Variants in HOOK3 observed in about 807,000 individuals in gnomAD.
HOOK3 encodes protein Hook homolog 3.
Under a neutral mutation model 116.3 loss-of-function variants are expected in HOOK3, and 24 were observed. The ratio of observed to expected loss-of-function variants is 0.21; its 90% CI spans 0.15 to 0.29. The LOEUF is 0.29. Ranked by LOEUF, HOOK3 falls within the 10% of genes least tolerant of loss-of-function variation. The pLI is 1.00. For missense variants in HOOK3, 632 were observed against 830.2 expected, an observed-to-expected ratio of 0.76 and a Z score of 2.93; for synonymous variants, 275 against 283.0, an observed-to-expected ratio of 0.97 and a Z score of 0.28.
At chr8:43,013,468 T>C (rs1162975014) in intron 21 of HOOK3, 68 bp downstream of exon 21, 12 of 1,278,160 alleles carry the variant, frequency 9.4e-6, no homozygotes, top group Non-Finnish European at 1.1e-5. Context: ...TATATTCCCT[T>C]TACTGTAGAA....
chr8:42,924,312 C>T (rs1312215235), intron 2 of HOOK3, among the ~76,000 whole-genome samples: 6 of 151,138 alleles, frequency 4.0e-5, no homozygotes, highest in Non-Finnish European at 7.4e-5. Context: ...TTTTGTCCTC[C>T]CTCCCTCCCT....
intron 8 of HOOK3, 95 bp downstream of exon 8, chr8:42,959,409 T>A (rs1479422898): frequency 3.7e-6 from 3 of 803,210 alleles, no homozygotes; most frequent in Non-Finnish European, 6.0e-6. Flanking sequence ...ATCTTAACTA[T>A]AACGCAACCC....
intron 16 of HOOK3, among the ~76,000 whole-genome samples, chr8:42,998,847 G>A (rs1430147530): frequency 6.6e-6 from 1 of 152,144 alleles, no homozygotes; most frequent in African/African-American, 2.4e-5. Context: ...TATTCAAAAT[G>A]CGAAATCACA....
intron 5 of HOOK3, among the ~76,000 whole-genome samples, chr8:42,946,935 T>C (rs766876458): frequency 1.3e-5 from 2 of 151,924 alleles, no homozygotes; most frequent in Admixed American, 6.6e-5. Context: ...CACGCCCGGC[T>C]AATTTTTGTA....
chr8:42,967,894 G>T, intron 10 of HOOK3, 119 bp from the exon 11 acceptor site: 1 of 631,440 alleles, frequency 1.6e-6, no homozygotes. Context: ...AAATTAACCT[G>T]GAATCACTTT....
chr8:42,973,478 A>T, intron 12 of HOOK3, 79 bp downstream of exon 12: 1 of 842,784 alleles, frequency 1.2e-6, no homozygotes, highest in South Asian at 2.6e-5. Flanking sequence ...GTTTGGCCAC[A>T]TTCATTTAAG....
Position 43,028,376 on chromosome 8 carries a change from T to C in HOOK3, c.*9878T>C, listed in dbSNP as rs1246983073. Reference sequence around the variant, plus strand: ...TGTCTCTAAAAAAAAATAATATAAATTGATGTTATATAGTTAACATTTATC... The same window carrying C: ...TGTCTCTAAAAAAAAATAATATAAACTGATGTTATATAGTTAACATTTATC... On this transcript the variant is annotated 3_prime_UTR_variant, in exon 22 of 22. Transcript: ENST00000307602. 5.5e-6 allele frequency: 1 copy of C among 182,680 alleles called. No individual in the cohort carries two copies. Among genetic ancestry groups the C allele is most frequent in the African/African-American group, 2.4e-5 (1 of 42,488 alleles). 11.3% of individuals were successfully genotyped at this position (182,680 alleles called of 1,614,324 possible). A position where few individuals can be genotyped will look rare whatever the true frequency, so the allele number is the denominator to read the frequency against.
chr8:42,967,993 A>C lies in HOOK3; in HGVS notation c.921-20A>C. 7.2e-7 allele frequency: 1 copy of C among 1,379,988 alleles called. No individual in the cohort carries two copies. Among genetic ancestry groups the C allele is most frequent in the Non-Finnish European group, 1.0e-6 (1 of 973,394 alleles). 85.5% of individuals were successfully genotyped at this position (1,379,988 alleles called of 1,614,324 possible). On this transcript the variant is annotated intron_variant, in intron 10 of 21. Coordinates refer to ENST00000307602, the MANE Select transcript of HOOK3 (RefSeq NM_032410.4). ...GTGTGGATGTGTTTCTGATTTTTTT[A>C]ATTTCCCATCTAATTCTAGACATTC... is the stretch of plus-strand genomic sequence containing the variant.
chr8:43,010,164 G>T (rs1809577202), intron 18 of HOOK3, 141 bp from the exon 19 acceptor site: 2 of 180,414 alleles, frequency 1.1e-5, no homozygotes, highest in Non-Finnish European at 2.4e-5. Context: ...AAATAGACCA[G>T]TCTCTCAAAG....
intron 18 of HOOK3, 84 bp downstream of exon 18, chr8:43,008,013 ATTTATTTTTTATT>A: frequency 1.7e-6 from 1 of 588,542 alleles, no homozygotes; most frequent in South Asian, 3.7e-5. Flanking sequence ...ATTTTTAATT[ATTTATTTTTTATT>A]TTTATTTTTT....
chr8:42,980,515 C>T (rs958262717), intron 13 of HOOK3, among the ~76,000 whole-genome samples: 1 of 152,010 alleles, frequency 6.6e-6, no homozygotes, highest in Non-Finnish European at 1.5e-5. Context: ...GGACTCTGCC[C>T]TCAGGGATGG....
rs1563308086 is a variant in HOOK3, at chr8:42,986,644, T to C, written c.1392-11T>C. 3 of 1,602,442 alleles carry C rather than the reference T, an allele frequency of 1.9e-6. No homozygotes were observed. The highest frequency in any genetic ancestry group is 1.1e-5 in the South Asian group (1 of 89,466). Reference sequence around the variant, plus strand: ...TGTATATAATATTTAGTTTTTATTTTGTTCATTCAGGGAGAAACTTATTCG... The same window carrying C: ...TGTATATAATATTTAGTTTTTATTTCGTTCATTCAGGGAGAAACTTATTCG... On this transcript the variant is annotated splice_polypyrimidine_tract_variant and intron_variant, in intron 14 of 21. Coordinates refer to ENST00000307602, the MANE Select transcript of HOOK3 (RefSeq NM_032410.4).
rs1586634849 is a variant in HOOK3 at position 43,013,057 on chromosome 8, C to T, written c.1846C>T (p.Arg616Cys). Residue 616 changes from arginine (R) to cysteine (C), a missense_variant, in exon 20 of 22, where the codon CGT becomes TGT. Arg to Cys is a radical substitution (Grantham distance 180). Transcript: ENST00000307602. ...CTTTTATTATTTTTTGCAGGTCATCCGTACTTTAGATCCTAAACAGAATCA... is the reference window on the plus strand; with the variant it reads ...CTTTTATTATTTTTTGCAGGTCATCTGTACTTTAGATCCTAAACAGAATCA... ...KYLEKAKSVI[R>C]TLDPKQNQGA... is the part of the protein sequence containing the mutation. 2.5e-6 allele frequency: 4 copies of T among 1,598,938 alleles called. No homozygotes were observed. Among genetic ancestry groups the T allele is most frequent in the Non-Finnish European group, 3.4e-6 (4 of 1,173,794 alleles).
At chr8:42,912,528 A>G (rs770297544) in intron 2 of HOOK3, among the ~76,000 whole-genome samples, 13 of 152,200 alleles carry the variant, frequency 8.5e-5, no homozygotes, top group South Asian at 2.1e-4. Flanking sequence ...TTGTGCAACA[A>G]TGTGAATGTA....
chr8:42,943,336 C>A lies in HOOK3; in HGVS notation c.291C>A (p.Asp97Glu). ...AGATTTTAGGACAGCAAATTAATGA[C>A]TTTACCCTTCCTGATGTGAACCTTA... The part of the protein sequence containing the change: ...NHEILGQQIN[D>E]FTLPDVNLIG... The change falls in exon 5 of 22, where the codon GAC becomes GAA. Residue 97 changes from aspartate (D) to glutamate (E), a missense_variant. Around this residue, in one of 3 missense-constraint regions of HOOK3, gnomAD observed 141 missense variants for 150.8 expected, o/e 0.93. Transcript: ENST00000307602. 3 of 1,523,440 alleles carry A rather than the reference C, an allele frequency of 2.0e-6. No individual in the cohort carries two copies. The highest frequency in any genetic ancestry group is 1.4e-5 in the South Asian group (1 of 72,578). 94.4% of individuals were successfully genotyped at this position (1,523,440 alleles called of 1,614,324 possible).
intron 5 of HOOK3, among the ~76,000 whole-genome samples, chr8:42,945,152 A>G (rs535558802): frequency 1.3e-5 from 2 of 152,336 alleles, no homozygotes; most frequent in Non-Finnish European, 2.9e-5. Context: ...GATTCATTAT[A>G]GTACCTACCT....
At chr8:42,938,677 T>G (rs1348815683) in intron 4 of HOOK3, among the ~76,000 whole-genome samples, 1 of 152,062 alleles carries the variant, frequency 6.6e-6, no homozygotes, top group African/African-American at 2.4e-5. Flanking sequence ...GGTATGAAAT[T>G]CTGGGTTGAA....
chr8:42,999,974 A>G (rs1032166590), intron 16 of HOOK3, among the ~76,000 whole-genome samples: 1 of 151,990 alleles, frequency 6.6e-6, no homozygotes, highest in African/African-American at 2.4e-5. Flanking sequence ...GTGAAACCCC[A>G]TCTCTACTAA....
At chr8:42,922,497 T>C (rs1442359562) in intron 2 of HOOK3, among the ~76,000 whole-genome samples, 3 of 152,130 alleles carry the variant, frequency 2.0e-5, no homozygotes, top group Non-Finnish European at 4.4e-5. Flanking sequence ...TACAAGGTTA[T>C]AGTGAACTGT....
Sources: gnomAD v4.1 joint callset for allele counts (sites outside exome capture counted in the v4.1 genomes callset) on GRCh38, gnomAD v4.1.1 for gene constraint, gnomAD v4.1.1 regional missense constraint, MANE v1.5 for transcripts, NCBI Gene and HGNC (gene_info 2026-07-23, HGNC 2026-07-21) for gene names.